The following TM9SF3 variants were observed in gnomAD, a reference collection of about 807,000 sequenced individuals.
The protein encoded by TM9SF3 is transmembrane 9 superfamily member 3, also known as SM-11044-binding protein.
TM9SF3 carries 14 observed loss-of-function variants against 78.6 expected under a neutral mutation model. That is an observed-to-expected ratio of 0.18 (90% CI 0.12 to 0.28). TM9SF3 has a LOEUF of 0.28. Ranked by LOEUF, TM9SF3 falls within the 10% of genes least tolerant of loss-of-function variation. The pLI is 1.00. For synonymous variants in TM9SF3, 231 were observed against 241.7 expected, an observed-to-expected ratio of 0.96 and a Z score of 0.41; for missense variants, 496 against 721.9, an observed-to-expected ratio of 0.69 and a Z score of 3.59.
chr10:96,534,861 A>G (rs949954615), intron 9 of TM9SF3, among the ~76,000 whole-genome samples: 2 of 152,224 alleles, frequency 1.3e-5, no homozygotes, highest in African/African-American at 4.8e-5. Flanking sequence ...TGCAAATCTC[A>G]GAATAAAGTT....
chr10:96,532,781 C>G (rs569171046), intron 10 of TM9SF3, among the ~76,000 whole-genome samples: 1 of 152,182 alleles, frequency 6.6e-6, no homozygotes, highest in Admixed American at 6.5e-5. Flanking sequence ...AGTAAAACTG[C>G]AGCTTTAGTT....
intron 5 of TM9SF3, among the ~76,000 whole-genome samples, chr10:96,557,316 C>A (rs1428380171): frequency 6.6e-6 from 1 of 151,950 alleles, no homozygotes; most frequent in Non-Finnish European, 1.5e-5. Flanking sequence ...CAAATACAGC[C>A]CCAGTGATGT....
chr10:96,576,843 A>T lies in TM9SF3; in HGVS notation c.103-14T>A. ...TTTATCTTGATACTGAAACAAGAAA[A>T]GCAAACAAGAATTAAAAAAAAAAAA... On this transcript the variant is annotated splice_polypyrimidine_tract_variant and intron_variant, in intron 1 of 14. Coordinates refer to ENST00000371142, the MANE Select transcript of TM9SF3 (RefSeq NM_020123.4). 1 of 1,485,896 alleles carries T rather than the reference A, an allele frequency of 6.7e-7. No individual in the cohort carries two copies. The highest frequency in any genetic ancestry group is 8.9e-7 in the Non-Finnish European group (1 of 1,122,512). The allele number at this position is 1,485,896 out of a possible 1,614,324, so 92.0% of individuals were successfully genotyped here.
At chr10:96,585,696 C>T (rs889186125) in intron 1 of TM9SF3, among the ~76,000 whole-genome samples, 1 of 152,196 alleles carries the variant, frequency 6.6e-6, no homozygotes, top group African/African-American at 2.4e-5. Context: ...TGCTTCATTT[C>T]CTCACTTACC....
rs1169930464 is a variant in TM9SF3 at position 96,519,209 on chromosome 10, G to A, written c.*3054C>T. ...TAGGAAACAAACACTGTACCAAAAT[G>A]GATATGACTTGTGAATAAACCCTAA... is the stretch of plus-strand genomic sequence containing the variant. On this transcript the variant is annotated 3_prime_UTR_variant, in exon 15 of 15. Coordinates refer to ENST00000371142, the MANE Select transcript of TM9SF3 (RefSeq NM_020123.4). 1.3e-5 allele frequency: 2 copies of A among 152,060 alleles called. No homozygotes were observed. The highest frequency in any genetic ancestry group is 1.3e-4 in the Admixed American group (2 of 15,260). The allele number at this position is 152,060 out of a possible 1,614,324, so 9.4% of individuals were successfully genotyped here. A position where few individuals can be genotyped will look rare whatever the true frequency, so the allele number is the denominator to read the frequency against.
chr10:96,532,244 T>C (rs1204914422), intron 10 of TM9SF3, among the ~76,000 whole-genome samples: 1 of 151,208 alleles, frequency 6.6e-6, no homozygotes, highest in African/African-American at 2.4e-5. Flanking sequence ...AATAAATAAA[T>C]AAAATAATAA....
chr10:96,571,047 A>T (rs1369772375), intron 2 of TM9SF3, among the ~76,000 whole-genome samples: 2 of 152,178 alleles, frequency 1.3e-5, no homozygotes, highest in Non-Finnish European at 2.9e-5. Context: ...GCCATGGGAA[A>T]AAGATTTTAA....
chr10:96,532,939 A>C, intron 10 of TM9SF3, 112 bp downstream of exon 10: 1 of 1,333,758 alleles, frequency 7.5e-7, no homozygotes, highest in Non-Finnish European at 1.0e-6. Flanking sequence ...GCTCAAACTT[A>C]AGATTGTCAT....
intron 2 of TM9SF3, among the ~76,000 whole-genome samples, chr10:96,568,797 C>T (rs549091038): frequency 1.3e-5 from 2 of 151,994 alleles, no homozygotes; most frequent in South Asian, 4.2e-4. Context: ...TATCTAGTAG[C>T]TATGTGAATA....
intron 7 of TM9SF3, 62 bp from the exon 8 acceptor site, chr10:96,548,051 T>C: frequency 9.5e-7 from 1 of 1,048,964 alleles, no homozygotes; most frequent in South Asian, 1.5e-5. Context: ...CATCATAGTC[T>C]ATTATATTAG....
At chr10:96,523,012 A>T (rs1326269552) in intron 14 of TM9SF3, among the ~76,000 whole-genome samples, 1 of 151,880 alleles carries the variant, frequency 6.6e-6, no homozygotes, top group African/African-American at 2.4e-5. Flanking sequence ...GTTAAGTAAA[A>T]TATTTATCTC....
chr10:96,531,263 C>A (rs983860529), intron 10 of TM9SF3, among the ~76,000 whole-genome samples: 1 of 152,146 alleles, frequency 6.6e-6, no homozygotes, highest in South Asian at 2.1e-4. Flanking sequence ...CCTTTAAAAC[C>A]TTTGCTGAGT....
At chr10:96,547,129 T>A (rs1848110750) in intron 8 of TM9SF3, among the ~76,000 whole-genome samples, 1 of 152,230 alleles carries the variant, frequency 6.6e-6, no homozygotes, top group African/African-American at 2.4e-5. Flanking sequence ...CAAGAGACTG[T>A]GACAGTGACA....
At chr10:96,524,202 CAA>C in intron 14 of TM9SF3, among the ~76,000 whole-genome samples, 1 of 151,610 alleles carries the variant, frequency 6.6e-6, no homozygotes, top group African/African-American at 2.4e-5. Flanking sequence ...TACAAAAAAC[CAA>C]AGTGACAAAG....
chr10:96,532,509 C>T (rs1178424468), intron 10 of TM9SF3, among the ~76,000 whole-genome samples: 2 of 151,954 alleles, frequency 1.3e-5, no homozygotes, highest in Non-Finnish European at 2.9e-5. Flanking sequence ...CATAAAAATG[C>T]AGTCTACTTA....
chr10:96,583,944 G>C (rs143656274), intron 1 of TM9SF3, among the ~76,000 whole-genome samples: 14,644 of 152,152 alleles, frequency 0.096, 933 homozygotes, highest in Non-Finnish European at 0.15. Context: ...TGAGGCAGGA[G>C]AATTGCTTGA....
At position 96,519,177 on chromosome 10, in the gene TM9SF3, T is replaced by C. The variant is rs1847731204; in HGVS notation, c.*3086A>G. On this transcript the variant is annotated 3_prime_UTR_variant, in exon 15 of 15. Coordinates refer to ENST00000371142, the MANE Select transcript of TM9SF3 (RefSeq NM_020123.4). ...AAGACATTTGGTATAAGGTGGTTAATAAATATTAGGAAACAAACACTGTAC... is the reference window on the plus strand; with the variant it reads ...AAGACATTTGGTATAAGGTGGTTAACAAATATTAGGAAACAAACACTGTAC... 6.6e-6 allele frequency: 1 copy of C among 152,068 alleles called. No individual in the cohort carries two copies. Among genetic ancestry groups the C allele is most frequent in the South Asian group, 2.1e-4 (1 of 4,834 alleles). The allele number at this position is 152,068 out of a possible 1,614,324, so 9.4% of individuals were successfully genotyped here.
chr10:96,525,219 T>C (rs1847824416), intron 14 of TM9SF3, among the ~76,000 whole-genome samples: 1 of 151,968 alleles, frequency 6.6e-6, no homozygotes, highest in South Asian at 2.1e-4. Context: ...GAAGAAAGGA[T>C]GGCAAATAAT....
Position 96,535,955 on chromosome 10 carries a change from T to A in TM9SF3, c.1186-2765A>T, listed in dbSNP as rs74151372. Among the ~76,000 whole-genome samples the A allele has an allele frequency of 6.3e-3, 961 of 152,144 alleles. 13 individuals carry two copies. The highest frequency in any genetic ancestry group is 0.022 in the African/African-American group (915 of 41,522). Reference sequence around the variant, plus strand: ...GTAATCCAACCATATATAAAACAAATAATATATCATGACAAAGTGAAGTTC... The same window carrying A: ...GTAATCCAACCATATATAAAACAAAAAATATATCATGACAAAGTGAAGTTC... On this transcript the variant is annotated intron_variant, in intron 9 of 14. Coordinates refer to ENST00000371142, the MANE Select transcript of TM9SF3 (RefSeq NM_020123.4).
Sources: allele counts gnomAD v4.1 joint callset (sites outside exome capture counted in the v4.1 genomes callset), GRCh38; gene constraint gnomAD v4.1.1; transcripts MANE v1.5; gene names NCBI Gene and HGNC (gene_info 2026-07-23, HGNC 2026-07-21).